The following FAM53A variants were observed in gnomAD, a reference collection of about 807,000 sequenced individuals.
FAM53A encodes family with sequence similarity 53 member A.
A neutral mutation model predicts 26.6 loss-of-function variants in FAM53A; 28 were observed. That is an observed-to-expected ratio of 1.05 (90% CI 0.78 to 1.45). The LOEUF is 1.45. Among genes scored for constraint, FAM53A ranks in the 40% most tolerant of loss-of-function variants. The pLI, the probability that FAM53A is intolerant of heterozygous loss-of-function variation, is 0.00. For missense variants in FAM53A, 650 were observed against 575.8 expected (o/e 1.13, Z -1.32); for synonymous variants, 290 against 253.1 (o/e 1.15, Z -1.38).
chr4:1,672,691 G>T (rs1450690471), intron 1 of FAM53A, among the ~76,000 whole-genome samples: 7 of 150,344 alleles, frequency 4.7e-5, no homozygotes, highest in Admixed American at 2.0e-4. Flanking sequence ...TGAACCCAGC[G>T]ATCAATGTGA....
chr4:1,601,487 C>T, the FAM53A span, among the ~76,000 whole-genome samples: 1 of 112,522 alleles, frequency 8.9e-6, no homozygotes, highest in East Asian at 2.1e-4. Context: ...CCTGCACCCA[C>T]CTGTGCCTTG....
At chr4:1,601,217 T>C in the FAM53A span, among the ~76,000 whole-genome samples, 1 of 151,592 alleles carries the variant, frequency 6.6e-6, no homozygotes, top group African/African-American at 2.4e-5. Context: ...AGGGGACCCC[T>C]GGAGCCGCAA....
intron 4 of FAM53A, among the ~76,000 whole-genome samples, chr4:1,652,771 CCA>C (rs1400907327): frequency 1.4e-5 from 2 of 146,218 alleles, no homozygotes; most frequent in Non-Finnish European, 3.0e-5. Context: ...AGACTACACA[CCA>C]CACAGCACAC....
Position 1,684,238 on chromosome 4 carries a change from C to G in FAM53A, c.-170G>C, listed in dbSNP as rs1431209781. 6.6e-6 allele frequency: 1 copy of G among 151,040 alleles called. No homozygotes were observed. The highest frequency in any genetic ancestry group is 1.5e-5 in the Non-Finnish European group (1 of 67,586). 9.4% of individuals were successfully genotyped at this position (151,040 alleles called of 1,614,324 possible). ...GCTCCGCCCGGGCTCGGTACCTGAG[C>G]GCGGCCGCGGGGGTGCGGAGCGAGA... On this transcript the variant is annotated 5_prime_UTR_variant, in exon 1 of 5. Transcript: ENST00000308132.
intron 1 of FAM53A, among the ~76,000 whole-genome samples, chr4:1,625,829 A>G (rs1255786422): frequency 1.3e-4 from 19 of 151,894 alleles, no homozygotes; most frequent in Admixed American, 1.2e-3. Context: ...GGGTCACGCC[A>G]AGTGGAGCCT....
the FAM53A span, among the ~76,000 whole-genome samples, chr4:1,588,880 T>G: frequency 0.4 from 61,089 of 152,166 alleles, 12,653 homozygotes; most frequent in Admixed American, 0.45. Flanking sequence ...ATAAGTTCTA[T>G]TGATGTATCT....
At chr4:1,580,200 C>T in the FAM53A span, 1 of 152,210 alleles carries the variant, frequency 6.6e-6, no homozygotes. Flanking sequence ...CCACCGTTCC[C>T]GCTGTCATCC....
chr4:1,597,734 G>T, the FAM53A span, among the ~76,000 whole-genome samples: 1 of 152,232 alleles, frequency 6.6e-6, no homozygotes, highest in Non-Finnish European at 1.5e-5. Flanking sequence ...GGTGGCTCAC[G>T]CCTGTAATCT....
the FAM53A span, among the ~76,000 whole-genome samples, chr4:1,590,715 A>C: frequency 6.6e-6 from 1 of 151,798 alleles, no homozygotes; most frequent in Non-Finnish European, 1.5e-5. Flanking sequence ...TTTGTGAATA[A>C]TAAGTGTGCA....
the FAM53A span, among the ~76,000 whole-genome samples, chr4:1,611,071 C>G: frequency 1.3e-5 from 2 of 152,210 alleles, no homozygotes; most frequent in Non-Finnish European, 2.9e-5. Flanking sequence ...CCTCAGGGCC[C>G]TAGCTGGGGA....
rs1375728454 is a variant in FAM53A, at chr4:1,669,343, C to T, written c.-164-438G>A. Among the ~76,000 whole-genome samples the T allele has an allele frequency of 3.9e-5, 6 of 152,210 alleles. No homozygotes were observed. In the East Asian group the frequency reaches 7.7e-4, roughly 20 times the overall value. ...CTCCCATGCCAGCCAGCTAGGCAAG[C>T]GCTCCACACTGAAGCTGGGGCACAG... is the stretch of plus-strand genomic sequence containing the variant. On this transcript the variant is annotated intron_variant, in intron 1 of 4. Transcript: ENST00000308132.
chr4:1,576,044 T>A, the FAM53A span, among the ~76,000 whole-genome samples: 1 of 152,158 alleles, frequency 6.6e-6, no homozygotes, highest in East Asian at 1.9e-4. Context: ...GCTGGGCCTA[T>A]GCGGTGAGTC....
the FAM53A span, among the ~76,000 whole-genome samples, chr4:1,593,146 A>G: frequency 1.3e-5 from 2 of 152,148 alleles, no homozygotes; most frequent in Non-Finnish European, 2.9e-5. Flanking sequence ...CCAGAGAGGC[A>G]CCAGGTCCTG....
the FAM53A span, among the ~76,000 whole-genome samples, chr4:1,612,875 AGGCACAT>A: frequency 6.6e-6 from 1 of 152,320 alleles, no homozygotes; most frequent in East Asian, 1.9e-4. Context: ...ACTGACACAC[AGGCACAT>A]GGCACCCACT....
chr4:1,610,776 A>G, the FAM53A span, among the ~76,000 whole-genome samples: 4 of 152,014 alleles, frequency 2.6e-5, no homozygotes, highest in African/African-American at 9.7e-5. Flanking sequence ...GCACAGCCCC[A>G]TGACAGGGCA....
At chr4:1,683,216 G>A (rs1273679451) in intron 1 of FAM53A, among the ~76,000 whole-genome samples, 1 of 152,178 alleles carries the variant, frequency 6.6e-6, no homozygotes, top group Non-Finnish European at 1.5e-5. Flanking sequence ...CCATTTTGGG[G>A]TAATATTGAA....
the FAM53A span, among the ~76,000 whole-genome samples, chr4:1,580,585 CCTCGG>C: frequency 2.0e-5 from 3 of 146,652 alleles, no homozygotes; most frequent in Non-Finnish European, 3.0e-5. Context: ...CCGCCTCCTA[CCTCGG>C]GCCCCACCTC....
chr4:1,612,052 C>T, the FAM53A span, among the ~76,000 whole-genome samples: 2 of 152,172 alleles, frequency 1.3e-5, no homozygotes, highest in African/African-American at 2.4e-5. Context: ...TAAATGAGTT[C>T]CCTGTGCCCA....
intron 1 of FAM53A, among the ~76,000 whole-genome samples, chr4:1,674,037 G>T (rs550570649): frequency 6.6e-6 from 1 of 152,238 alleles, no homozygotes; most frequent in Non-Finnish European, 1.5e-5. Context: ...CAGCAGGGCC[G>T]TTATAACAAT....
Sources: gnomAD v4.1 joint callset for allele counts (sites outside exome capture counted in the v4.1 genomes callset) on GRCh38, gnomAD v4.1.1 for gene constraint, MANE v1.5 for transcripts, NCBI Gene and HGNC (gene_info 2026-07-23, HGNC 2026-07-21) for gene names.